MED16: variants seen among roughly 807,000 people sequenced by gnomAD.
MED16 encodes the protein mediator of RNA polymerase II transcription subunit 16.
In MED16, 81 loss-of-function variants were observed where a neutral mutation model predicts 84.4. That is an observed-to-expected ratio of 0.96 (90% CI 0.80 to 1.15). MED16 has a LOEUF of 1.15. Ranked by LOEUF, MED16 falls within the 50% of genes most tolerant of loss-of-function variation. The pLI is 0.00. For synonymous variants in MED16, 897 were observed against 552.2 expected, an observed-to-expected ratio of 1.62 and a Z score of -8.76; for missense variants, 1,585 against 1,245.9, an observed-to-expected ratio of 1.27 and a Z score of -4.10.
rs369632896 is a variant in MED16 at position 871,249 on chromosome 19, G to C, written c.2103C>G (p.Arg701=). 1.3e-6 allele frequency: 2 copies of C among 1,535,478 alleles called. No individual in the cohort carries two copies. Among genetic ancestry groups the C allele is most frequent in the Non-Finnish European group, 1.8e-6 (2 of 1,136,272 alleles). The change falls in exon 13 of 16, where the codon CGC becomes CGG. Residue 701 remains arginine, a synonymous_variant. Coordinates refer to ENST00000325464, the MANE Select transcript of MED16 (RefSeq NM_005481.3). The part of the protein sequence containing the change: ...RLLTKLWICC[R]DEGPASEPDE... The stretch of plus-strand genomic sequence containing the variant: ...CCGGCTCGCTCGCTGGGCCCTCATC[G>C]CGACCTGCGGAGAGAGGTGGCGGAA...
intron 2 of MED16, 79 bp downstream of exon 2, chr19:890,884 A>G: frequency 6.7e-7 from 1 of 1,487,512 alleles, no homozygotes; most frequent in South Asian, 1.2e-5. Context: ...AGTCCCTTCA[A>G]GGCAGTGGGC....
chr19:886,757 C>T (rs2036534952), intron 4 of MED16, among the ~76,000 whole-genome samples: 1 of 152,232 alleles, frequency 6.6e-6, no homozygotes, highest in Non-Finnish European at 1.5e-5. Context: ...AACATCCACC[C>T]TTCTTTCAAC....
chr19:878,529 A>C (rs1599330169), intron 8 of MED16, among the ~76,000 whole-genome samples: 29 of 67,368 alleles, frequency 4.3e-4, no homozygotes, highest in South Asian at 1.1e-3. Context: ...CCAGCAGCTC[A>C]CCTTCCCGTG....
rs770878146 is a variant in MED16, at chr19:868,110, G to C, written c.2625C>G (p.Asp875Glu). The change falls in exon 16 of 16, where the codon GAC (aspartate) becomes GAG (glutamate). Residue 875 changes from aspartate (D) to glutamate (E), a missense_variant. Asp to Glu is a conservative substitution (Grantham distance 45, BLOSUM62 2). Transcript: ENST00000325464. ...PRSLDHLHPE[D>E]RP is the part of the protein sequence containing the mutation. ...CCTGGACCCCCGGCCGTCACGGACGGTCCTCTGGATGCAGATGGTCCAGGG... is the reference window on the plus strand; with the variant it reads ...CCTGGACCCCCGGCCGTCACGGACGCTCCTCTGGATGCAGATGGTCCAGGG... 1.1e-5 allele frequency: 18 copies of C among 1,608,912 alleles called. No individual in the cohort carries two copies. The highest frequency in any genetic ancestry group is 1.5e-5 in the Non-Finnish European group (18 of 1,178,814).
chr19:871,027 A>T lies in MED16; in HGVS notation c.2315+10T>A. The T allele has an allele frequency of 6.5e-7, 1 of 1,536,686 alleles. No homozygotes were observed. Among genetic ancestry groups the T allele is most frequent in the Non-Finnish European group, 8.8e-7 (1 of 1,137,818 alleles). The stretch of plus-strand genomic sequence containing the variant: ...CCTGTGTTTGGGGACCAATGCAGGG[A>T]CACACGCACCTGGCGAGGCCGTCGA... On this transcript the variant is annotated intron_variant, in intron 13 of 15. Transcript: ENST00000325464.
intron 8 of MED16, among the ~76,000 whole-genome samples, chr19:878,538 T>C (rs1476536662): frequency 7.4e-5 from 8 of 108,150 alleles, no homozygotes; most frequent in African/African-American, 1.8e-4. Context: ...CACCTTCCCG[T>C]GGTTGTCAAT....
intron 4 of MED16, among the ~76,000 whole-genome samples, chr19:888,996 G>A (rs916788897): frequency 5.3e-5 from 8 of 152,162 alleles, no homozygotes; most frequent in African/African-American, 1.2e-4. Context: ...GAGGTGAGGA[G>A]TCAGAGCCTG....
chr19:890,873 G>A (rs758183548), intron 2 of MED16, 90 bp downstream of exon 2: 23 of 1,392,432 alleles, frequency 1.7e-5, no homozygotes, highest in South Asian at 6.4e-5. Context: ...CTGAGAGACC[G>A]AGTCCCTTCA....
At chr19:887,318 G>A (rs1314955235) in intron 4 of MED16, among the ~76,000 whole-genome samples, 1 of 152,128 alleles carries the variant, frequency 6.6e-6, no homozygotes, top group African/African-American at 2.4e-5. Context: ...GTCGCAGGCT[G>A]GCATGTCTGA....
chr19:876,875 C>CGGGGCCCCCACCTGCCAG (rs2036246877), intron 9 of MED16, 99 bp downstream of exon 9: 1 of 1,245,064 alleles, frequency 8.0e-7, no homozygotes, highest in Admixed American at 2.7e-5. Context: ...CCACCTGCCA[C>CGGGGCCCCCACCTGCCAG]GGGGCCCCCA....
rs2036143141 is a variant in MED16 at position 873,345 on chromosome 19, G to T, written c.1905+104C>A. On this transcript the variant is annotated intron_variant, in intron 11 of 15. Transcript: ENST00000325464. ...CAAGTAGGGGCGGGACTCCAACTAG[G>T]GGCGGGGCTGAGGTGGTTTTGAGGG... The T allele has an allele frequency of 5.3e-6, 5 of 947,876 alleles. No individual in the cohort carries two copies. In the South Asian group the frequency reaches 8.3e-5, roughly 16 times the overall value. The allele number at this position is 947,876 out of a possible 1,614,324, so 58.7% of individuals were successfully genotyped here.
intron 14 of MED16, 125 bp from the exon 15 acceptor site, chr19:868,624 C>A: frequency 7.7e-7 from 1 of 1,306,654 alleles, no homozygotes; most frequent in Non-Finnish European, 1.0e-6. Flanking sequence ...CCCCACGTCC[C>A]CACCTGCCAC....
chr19:877,196 C>A lies in MED16; in HGVS notation c.1354-16G>T, dbSNP rs200088634. On this transcript the variant is annotated splice_polypyrimidine_tract_variant and intron_variant, in intron 8 of 15. Transcript: ENST00000325464. The stretch of plus-strand genomic sequence containing the variant: ...GCACGCTCAGCTGCCAGAGACAGAG[C>A]CCAAGGAGAGCCCGGTGAGATGGGG... The A allele has an allele frequency of 1.3e-6, 2 of 1,599,264 alleles. No homozygotes were observed. The highest frequency in any genetic ancestry group is 1.7e-6 in the Non-Finnish European group (2 of 1,175,146).
At chr19:885,676 G>T in intron 5 of MED16, 94 bp downstream of exon 5, 1 of 1,426,548 alleles carries the variant, frequency 7.0e-7, no homozygotes, top group South Asian at 1.3e-5. Context: ...GGTTTAGCCC[G>T]TGGAGGCCCG....
chr19:890,931 C>CGGGAGGGGAAGCAGGT (rs758736704), intron 2 of MED16, 32 bp downstream of exon 2: 1 of 1,604,318 alleles, frequency 6.2e-7, no homozygotes, highest in South Asian at 1.1e-5. Flanking sequence ...ACCATGCGGC[C>CGGGAGGGGAAGCAGGT]GGGAGGGGAA....
intron 11 of MED16, chr19:872,842 A>G (rs1314127712): frequency 1.1e-5 from 6 of 543,060 alleles, no homozygotes; most frequent in African/African-American, 1.1e-4. Flanking sequence ...TGGGGCTGAG[A>G]AGGAGCAGGG....
At chr19:873,334 ACTCCAACTAGGGGCG>A in intron 11 of MED16, 100 bp downstream of exon 11, 1 of 299,766 alleles carries the variant, frequency 3.3e-6, no homozygotes, top group Non-Finnish European at 4.5e-6. Flanking sequence ...TAGGGGCGGG[ACTCCAACTAGGGGCG>A]GGGCTGAGGT....
Position 880,103 on chromosome 19 carries a change from C to T in MED16, c.1187G>A (p.Arg396Gln), listed in dbSNP as rs2036388126. The T allele has an allele frequency of 1.9e-6, 3 of 1,610,664 alleles. No individual in the cohort carries two copies. Among genetic ancestry groups the T allele is most frequent in the Non-Finnish European group, 2.5e-6 (3 of 1,179,418 alleles). The change falls in exon 8 of 16, where the codon CGG becomes CAG. Residue 396 changes from arginine to glutamine, a missense_variant. Transcript: ENST00000325464. ...GACGGCCATGGTCTGCAGTGAGAGCCGGTGCACGATGTGGACGCTGCCGTC... is the reference window on the plus strand; with the variant it reads ...GACGGCCATGGTCTGCAGTGAGAGCTGGTGCACGATGTGGACGCTGCCGTC... The part of the protein sequence containing the change: ...FHDGSVHIVH[R>Q]LSLQTMAVFY...
chr19:869,873 C>A (rs1381546004), intron 13 of MED16, among the ~76,000 whole-genome samples: 1 of 152,194 alleles, frequency 6.6e-6, no homozygotes, highest in Non-Finnish European at 1.5e-5. Flanking sequence ...GGTTCAAATC[C>A]TGACTCGGCC....
Sources: allele counts gnomAD v4.1 joint callset (sites outside exome capture counted in the v4.1 genomes callset), GRCh38; gene constraint gnomAD v4.1.1; transcripts MANE v1.5; gene names NCBI Gene and HGNC (gene_info 2026-07-23, HGNC 2026-07-21).